The following SUPT3H variants were observed in gnomAD, a reference collection of about 807,000 sequenced individuals.
SUPT3H encodes the protein SPT3 homolog, SAGA and STAGA complex component.
A neutral mutation model predicts 44.3 loss-of-function variants in SUPT3H; 44 were observed. The ratio of observed to expected loss-of-function variants is 0.99; its 90% CI spans 0.78 to 1.28. The LOEUF is 1.28. Among genes scored for constraint, SUPT3H ranks in the 50% most tolerant of loss-of-function variants. SUPT3H has a pLI of 0.00. For synonymous variants in SUPT3H, 124 were observed against 125.6 expected, an observed-to-expected ratio of 0.99 and a Z score of 0.09; for missense variants, 380 against 387.1, an observed-to-expected ratio of 0.98 and a Z score of 0.15.
chr6:45,302,488 T>C (rs1782284282), intron 2 of SUPT3H, among the ~76,000 whole-genome samples: 1 of 142,906 alleles, frequency 7.0e-6, no homozygotes, highest in African/African-American at 2.6e-5. Context: ...ATATGGAATA[T>C]ATAATATATA....
chr6:45,227,691 A>C (rs1767194875), intron 2 of SUPT3H, among the ~76,000 whole-genome samples: 1 of 152,160 alleles, frequency 6.6e-6, no homozygotes, highest in Non-Finnish European at 1.5e-5. Context: ...CACCCAACCC[A>C]CCAGGCAGCT....
At chr6:44,983,835 T>C (rs1582896901) in intron 6 of SUPT3H, among the ~76,000 whole-genome samples, 1 of 152,330 alleles carries the variant, frequency 6.6e-6, no homozygotes, top group East Asian at 1.9e-4. Flanking sequence ...TTACTTTCTC[T>C]CTGTCATTCT....
chr6:45,309,813 A>G (rs1783672440), intron 2 of SUPT3H, among the ~76,000 whole-genome samples: 1 of 152,190 alleles, frequency 6.6e-6, no homozygotes, highest in Admixed American at 6.5e-5. Flanking sequence ...CTCGGTAGAC[A>G]CCTTACAGAC....
intron 6 of SUPT3H, among the ~76,000 whole-genome samples, chr6:44,992,549 A>C (rs1346647430): frequency 2.6e-5 from 4 of 152,176 alleles, no homozygotes; most frequent in African/African-American, 9.6e-5. Context: ...CCCATAACAA[A>C]AGATACTTGT....
chr6:45,298,827 C>A (rs918378624), intron 2 of SUPT3H, among the ~76,000 whole-genome samples: 1 of 152,066 alleles, frequency 6.6e-6, no homozygotes, highest in Admixed American at 6.6e-5. Context: ...AAGTATATAA[C>A]CAAATTTATC....
intron 2 of SUPT3H, among the ~76,000 whole-genome samples, chr6:45,252,939 A>T (rs1772637267): frequency 6.6e-6 from 1 of 152,114 alleles, no homozygotes; most frequent in Non-Finnish European, 1.5e-5. Context: ...GGAGACTAAA[A>T]ATACAATATG....
chr6:45,181,642 C>T, intron 2 of SUPT3H, among the ~76,000 whole-genome samples: 1 of 146,358 alleles, frequency 6.8e-6, no homozygotes, highest in Non-Finnish European at 1.5e-5. Flanking sequence ...CGCATATTCT[C>T]CCTCATAAGT....
At chr6:45,373,581 T>C (rs180696184) in intron 1 of SUPT3H, among the ~76,000 whole-genome samples, 1 of 152,198 alleles carries the variant, frequency 6.6e-6, no homozygotes, top group African/African-American at 2.4e-5. Context: ...AGACAGAGTA[T>C]TGCTCTGTCG....
At chr6:45,213,746 T>C (rs1331693991) in intron 2 of SUPT3H, among the ~76,000 whole-genome samples, 1 of 151,910 alleles carries the variant, frequency 6.6e-6, no homozygotes, top group African/African-American at 2.4e-5. Flanking sequence ...TAGAAAAAAA[T>C]CTAAATTTTT....
At chr6:45,265,832 TTAAAG>T (rs1308245180) in intron 2 of SUPT3H, among the ~76,000 whole-genome samples, 3 of 152,030 alleles carry the variant, frequency 2.0e-5, no homozygotes, top group Non-Finnish European at 2.9e-5. Flanking sequence ...ATTAATCTCC[TTAAAG>T]TAGTTAAAAA....
At chr6:44,966,213 T>A (rs1180657018) in intron 6 of SUPT3H, among the ~76,000 whole-genome samples, 1 of 152,166 alleles carries the variant, frequency 6.6e-6, no homozygotes, top group Non-Finnish European at 1.5e-5. Context: ...GCAGTCCTTT[T>A]CTATTCCTTT....
chr6:45,011,323 A>G (rs72867440), intron 5 of SUPT3H, among the ~76,000 whole-genome samples: 2,218 of 152,170 alleles, frequency 0.015, 25 homozygotes, highest in South Asian at 0.029. Flanking sequence ...TCTTTGTGGA[A>G]ATTTTTAAGC....
At chr6:45,088,012 G>C (rs1346882779) in intron 3 of SUPT3H, among the ~76,000 whole-genome samples, 1 of 151,988 alleles carries the variant, frequency 6.6e-6, no homozygotes, top group Non-Finnish European at 1.5e-5. Context: ...TGATAGTTAA[G>C]TTCTATTCCA....
At chr6:44,981,642 C>T (rs1485387441) in intron 6 of SUPT3H, among the ~76,000 whole-genome samples, 1 of 152,106 alleles carries the variant, frequency 6.6e-6, no homozygotes, top group Non-Finnish European at 1.5e-5. Context: ...GACTCTAGGT[C>T]TCAGTTTTAC....
chr6:45,118,943 C>T (rs1459671798), intron 2 of SUPT3H, among the ~76,000 whole-genome samples: 2 of 152,148 alleles, frequency 1.3e-5, no homozygotes, highest in Admixed American at 6.6e-5. Context: ...GAAAGTATGA[C>T]AAGGCTAATC....
chr6:45,339,134 G>A (rs897882726), intron 2 of SUPT3H, among the ~76,000 whole-genome samples: 23 of 152,210 alleles, frequency 1.5e-4, no homozygotes, highest in Admixed American at 1.4e-3. Context: ...ATAAGGCTAA[G>A]TAATCTTATT....
At chr6:44,989,239 T>G (rs1488545954) in intron 6 of SUPT3H, among the ~76,000 whole-genome samples, 1 of 152,156 alleles carries the variant, frequency 6.6e-6, no homozygotes, top group African/African-American at 2.4e-5. Context: ...TGTAGTATTT[T>G]TCTTTCTGTG....
chr6:44,876,596 A>G (rs1207385889), intron 10 of SUPT3H, among the ~76,000 whole-genome samples: 4 of 150,666 alleles, frequency 2.7e-5, no homozygotes, highest in East Asian at 3.9e-4. Flanking sequence ...TGGCACATGT[A>G]TACATATGTA....
chr6:44,883,539 T>A (rs1409954830), intron 10 of SUPT3H, among the ~76,000 whole-genome samples: 1 of 152,106 alleles, frequency 6.6e-6, no homozygotes, highest in Non-Finnish European at 1.5e-5. Flanking sequence ...TTAAATTTCA[T>A]ATGGAATCAA....
Sources: gnomAD v4.1 joint callset for allele counts (sites outside exome capture counted in the v4.1 genomes callset) on GRCh38, gnomAD v4.1.1 for gene constraint, MANE v1.5 for transcripts, NCBI Gene and HGNC (gene_info 2026-07-23, HGNC 2026-07-21) for gene names.